The following HACE1 variants were observed in gnomAD, a reference collection of about 807,000 sequenced individuals.
HACE1 encodes the protein E3 ubiquitin-protein ligase HACE1.
HACE1 carries 73 observed loss-of-function variants against 118.4 expected under a neutral mutation model. That is an observed-to-expected ratio of 0.62 (90% confidence interval 0.51 to 0.75). The LOEUF is 0.75. HACE1 is among the 30% of genes least tolerant of loss of function. The probability of loss-of-function intolerance (pLI) is 0.00; values close to 1 mark genes in which losing one functional copy is unlikely to be tolerated. For missense variants in HACE1, 749 were observed against 1,102.2 expected (o/e 0.68, Z 4.54); for synonymous variants, 368 against 374.8 (o/e 0.98, Z 0.21).
intron 10 of HACE1, among the ~76,000 whole-genome samples, chr6:104,793,215 C>T (rs1269152548): frequency 6.8e-6 from 1 of 145,994 alleles, no homozygotes; most frequent in Admixed American, 7.1e-5. Flanking sequence ...CGCAGTAAGC[C>T]GAGATCGCGC....
At chr6:104,768,288 A>T (rs1471522009) in intron 19 of HACE1, among the ~76,000 whole-genome samples, 1 of 152,144 alleles carries the variant, frequency 6.6e-6, no homozygotes, top group African/African-American at 2.4e-5. Context: ...GTCGAACTCT[A>T]AACATGACAA....
At chr6:104,743,038 C>T (rs1398057324) in intron 22 of HACE1, among the ~76,000 whole-genome samples, 3 of 151,938 alleles carry the variant, frequency 2.0e-5, no homozygotes, top group Admixed American at 6.6e-5. Flanking sequence ...TGGAAATCAT[C>T]GTTCTCAGTA....
chr6:104,803,692 C>T (rs1015444482), intron 7 of HACE1, among the ~76,000 whole-genome samples: 2 of 152,086 alleles, frequency 1.3e-5, no homozygotes, highest in African/African-American at 2.4e-5. Flanking sequence ...TCTCAATAAA[C>T]TAGGTATTGA....
chr6:104,790,133 A>G (rs1782869503), intron 11 of HACE1, among the ~76,000 whole-genome samples: 1 of 152,146 alleles, frequency 6.6e-6, no homozygotes, highest in East Asian at 1.9e-4. Context: ...TATATGGCTA[A>G]AAACTGTCCT....
chr6:104,784,053 A>G (rs1358096039), intron 14 of HACE1, 33 bp downstream of exon 14: 4 of 1,004,154 alleles, frequency 4.0e-6, no homozygotes, highest in Non-Finnish European at 4.8e-6. Flanking sequence ...TAATTTCATT[A>G]GATAGAATAA....
chr6:104,741,962 A>G (rs1032008893), intron 22 of HACE1, among the ~76,000 whole-genome samples: 18 of 151,782 alleles, frequency 1.2e-4, no homozygotes, highest in South Asian at 6.3e-4. Flanking sequence ...CCAAAACAGA[A>G]ATATAGATCA....
intron 10 of HACE1, among the ~76,000 whole-genome samples, chr6:104,793,686 CAT>C (rs1361842771): frequency 6.6e-6 from 1 of 152,166 alleles, no homozygotes; most frequent in East Asian, 1.9e-4. Flanking sequence ...GGTTAAGAAA[CAT>C]AAAATGATTC....
rs1166439574 is a variant in HACE1 at position 104,742,982 on chromosome 6, A to G, written c.2513+1178T>C. ...AAACACCATGGAATACTATGCAGCC[A>G]TAAAAAATGATGAGTTCATGTTCTT... On this transcript the variant is annotated intron_variant, in intron 22 of 23. Transcript: ENST00000262903. 2.6e-5 allele frequency among the ~76,000 whole-genome samples: 4 copies of G among 152,202 alleles called. No homozygotes were observed. The East Asian group carries it at 7.7e-4, about 29-fold the overall frequency.
At chr6:104,803,995 T>C (rs1385750284) in intron 7 of HACE1, among the ~76,000 whole-genome samples, 3 of 152,184 alleles carry the variant, frequency 2.0e-5, no homozygotes, top group Admixed American at 6.5e-5. Flanking sequence ...CTCCTTAAGC[T>C]GATAAGCAAC....
chr6:104,765,191 G>C (rs1317377466), intron 19 of HACE1, among the ~76,000 whole-genome samples: 2 of 152,150 alleles, frequency 1.3e-5, no homozygotes, highest in East Asian at 3.9e-4. Flanking sequence ...GCAGTTGTTA[G>C]GGAATAACAA....
At chr6:104,814,715 C>T (rs1451425513) in intron 6 of HACE1, among the ~76,000 whole-genome samples, 1 of 137,004 alleles carries the variant, frequency 7.3e-6, no homozygotes, top group Non-Finnish European at 1.6e-5. Context: ...TGAGAGGTGA[C>T]CAGAGCATGG....
At chr6:104,798,245 C>T (rs79831763) in intron 7 of HACE1, among the ~76,000 whole-genome samples, 3,120 of 152,102 alleles carry the variant, frequency 0.021, 50 homozygotes, top group East Asian at 0.055. Flanking sequence ...ATACTCTTTC[C>T]ACAATAACAT....
intron 10 of HACE1, among the ~76,000 whole-genome samples, chr6:104,792,712 A>G (rs1783156018): frequency 6.6e-6 from 1 of 152,186 alleles, no homozygotes; most frequent in Admixed American, 6.5e-5. Context: ...GATGCTGGCA[A>G]ACTGAAAAAC....
chr6:104,795,469 T>A (rs1783508826), intron 10 of HACE1, 110 bp downstream of exon 10: 7 of 753,330 alleles, frequency 9.3e-6, no homozygotes. Flanking sequence ...CAGCAAATTT[T>A]TATAACATCG....
intron 7 of HACE1, among the ~76,000 whole-genome samples, chr6:104,801,644 T>G (rs1047460967): frequency 6.6e-6 from 1 of 151,972 alleles, no homozygotes; most frequent in African/African-American, 2.4e-5. Context: ...AGAAATAAAA[T>G]CCTTTACAGA....
intron 6 of HACE1, among the ~76,000 whole-genome samples, chr6:104,832,310 G>T (rs1256389138): frequency 6.6e-6 from 1 of 152,142 alleles, no homozygotes; most frequent in East Asian, 1.9e-4. Context: ...TAAAACCTAT[G>T]AATTAGAAAT....
At chr6:104,854,856 G>A (rs138359520) in intron 1 of HACE1, among the ~76,000 whole-genome samples, 1 of 152,226 alleles carries the variant, frequency 6.6e-6, no homozygotes, top group Non-Finnish European at 1.5e-5. Context: ...TACTGTGAGT[G>A]TATACATGAA....
At chr6:104,738,018 C>A (rs1776129014) in intron 22 of HACE1, among the ~76,000 whole-genome samples, 2 of 152,156 alleles carry the variant, frequency 1.3e-5, no homozygotes, top group Admixed American at 6.5e-5. Flanking sequence ...TCCCTGACCC[C>A]CGAGCAGCCT....
intron 19 of HACE1, among the ~76,000 whole-genome samples, chr6:104,752,789 C>T (rs986669353): frequency 3.3e-5 from 5 of 151,642 alleles, no homozygotes; most frequent in Admixed American, 3.3e-4. Context: ...CTTTTCCTTC[C>T]ATTTATTTTA....
Sources: gnomAD v4.1 joint callset for allele counts (sites outside exome capture counted in the v4.1 genomes callset) on GRCh38, gnomAD v4.1.1 for gene constraint, MANE v1.5 for transcripts, NCBI Gene and HGNC (gene_info 2026-07-23, HGNC 2026-07-21) for gene names.